The following GRIK2 variants were observed in gnomAD, a reference collection of about 807,000 sequenced individuals.
GRIK2 encodes glutamate receptor ionotropic, kainate 2.
In GRIK2, 32 loss-of-function variants were observed where a neutral mutation model predicts 100.3. The ratio of observed to expected loss-of-function variants is 0.32; its 90% CI spans 0.24 to 0.43. The LOEUF is 0.43. Ranked by LOEUF, GRIK2 falls within the 20% of genes least tolerant of loss-of-function variation. GRIK2 has a pLI of 1.00. For synonymous variants in GRIK2, 417 were observed against 389.4 expected (o/e 1.07, Z -0.83); for missense variants, 843 against 1,114.9 (o/e 0.76, Z 3.47).
intron 4 of GRIK2, among the ~76,000 whole-genome samples, chr6:101,653,971 A>T (rs1400947098): frequency 6.6e-6 from 1 of 152,010 alleles, no homozygotes; most frequent in Non-Finnish European, 1.5e-5. Flanking sequence ...CACTTCTCTC[A>T]TGGTAATACT....
Position 101,665,037 on chromosome 6 carries a change from G to A in GRIK2, c.542-11586G>A, listed in dbSNP as rs545993011. ...ACAATTCTGGATGAGATTTGCGTGGGGACACAGCTAAATATCTTAGCCCTT... is the reference window on the plus strand; with the variant it reads ...ACAATTCTGGATGAGATTTGCGTGGAGACACAGCTAAATATCTTAGCCCTT... On this transcript the variant is annotated intron_variant, in intron 4 of 16. Coordinates refer to ENST00000369134, the MANE Select transcript of GRIK2 (RefSeq NM_021956.5). 5.3e-5 allele frequency among the ~76,000 whole-genome samples: 8 copies of A among 152,200 alleles called. No homozygotes were observed. The South Asian group carries it at 1.7e-3, about 32-fold the overall frequency.
intron 11 of GRIK2, among the ~76,000 whole-genome samples, chr6:101,879,916 C>T (rs1209136662): frequency 1.3e-5 from 2 of 151,886 alleles, no homozygotes; most frequent in Non-Finnish European, 2.9e-5. Context: ...GACGTTTTGA[C>T]TTTACAAGAA....
intron 2 of GRIK2, among the ~76,000 whole-genome samples, chr6:101,464,130 T>C (rs1771487868): frequency 6.6e-6 from 1 of 152,180 alleles, no homozygotes; most frequent in Admixed American, 6.5e-5. Context: ...ATGAAGTGTG[T>C]ATGAATAAGA....
intron 7 of GRIK2, among the ~76,000 whole-genome samples, chr6:101,769,266 A>G (rs1166582119): frequency 1.3e-5 from 2 of 152,198 alleles, no homozygotes; most frequent in Non-Finnish European, 2.9e-5. Context: ...ATTTGACATA[A>G]ATGAAAGTAT....
chr6:101,659,233 C>A (rs1769421820), intron 4 of GRIK2, among the ~76,000 whole-genome samples: 1 of 152,140 alleles, frequency 6.6e-6, no homozygotes, highest in Admixed American at 6.5e-5. Flanking sequence ...CTGCATATGA[C>A]CAGCCAGTTT....
rs536813876 is a variant in GRIK2 at position 101,797,690 on chromosome 6, T to A, written c.952-1958T>A. Reference sequence around the variant, plus strand: ...TCCATAATAAACCATTATATATTTTTTTTATGTATATATTACATATAATAG... The same window carrying A: ...TCCATAATAAACCATTATATATTTTATTTATGTATATATTACATATAATAG... On this transcript the variant is annotated intron_variant, in intron 7 of 16. Coordinates refer to ENST00000369134, the MANE Select transcript of GRIK2 (RefSeq NM_021956.5). 2.3e-4 allele frequency among the ~76,000 whole-genome samples: 34 copies of A among 146,932 alleles called. 1 individual carries two copies. Among genetic ancestry groups the A allele is most frequent in the African/African-American group, 6.9e-4 (28 of 40,658 alleles).
Position 101,726,111 on chromosome 6 carries a change from T to G in GRIK2, c.951+39758T>G, listed in dbSNP as rs182566995. ...ACTGCACTTATATATATAACAGTGC[T>G]AAGATAGGTCTTAGGTAATTGTAAT... On this transcript the variant is annotated intron_variant, in intron 7 of 16. Coordinates refer to ENST00000369134, the MANE Select transcript of GRIK2 (RefSeq NM_021956.5). 1.8e-3 allele frequency among the ~76,000 whole-genome samples: 269 copies of G among 152,122 alleles called. 2 individuals carry two copies. Among genetic ancestry groups the G allele is most frequent in the African/African-American group, 5.9e-3 (245 of 41,552 alleles).
chr6:101,836,325 C>T (rs956393040), intron 10 of GRIK2, among the ~76,000 whole-genome samples: 7 of 152,094 alleles, frequency 4.6e-5, no homozygotes, highest in East Asian at 3.9e-4. Context: ...CCGTCCAATA[C>T]GGTAGCTTCG....
chr6:101,623,903 CAT>C (rs1780302599), intron 3 of GRIK2, among the ~76,000 whole-genome samples: 1 of 151,880 alleles, frequency 6.6e-6, no homozygotes, highest in African/African-American at 2.4e-5. Flanking sequence ...TACATAAAAA[CAT>C]AATATAACAG....
At chr6:102,027,880 G>A (rs937383731) in intron 14 of GRIK2, among the ~76,000 whole-genome samples, 6 of 151,006 alleles carry the variant, frequency 4.0e-5, no homozygotes, top group African/African-American at 1.5e-4. Context: ...CAAATATGTT[G>A]CTCCCAGTAA....
chr6:101,845,218 A>G (rs1783739762), intron 10 of GRIK2, among the ~76,000 whole-genome samples: 1 of 152,036 alleles, frequency 6.6e-6, no homozygotes, highest in Non-Finnish European at 1.5e-5. Context: ...GGGTCTCGCT[A>G]TGTTGCCCAA....
chr6:101,425,064 A>G (rs1471115732), intron 2 of GRIK2, among the ~76,000 whole-genome samples: 2 of 150,168 alleles, frequency 1.3e-5, no homozygotes, highest in East Asian at 1.9e-4. Flanking sequence ...CCAGTCTATC[A>G]TTGTTGGACA....
intron 11 of GRIK2, among the ~76,000 whole-genome samples, chr6:101,881,125 T>G (rs771026156): frequency 1.3e-5 from 2 of 151,912 alleles, no homozygotes; most frequent in Non-Finnish European, 2.9e-5. Flanking sequence ...ATAAAAAATT[T>G]TGTGGACTTA....
At chr6:101,799,283 G>T (rs1017893846) in intron 7 of GRIK2, among the ~76,000 whole-genome samples, 1 of 149,736 alleles carries the variant, frequency 6.7e-6, no homozygotes, top group Non-Finnish European at 1.5e-5. Flanking sequence ...CTCATTGTGT[G>T]TGTGTGTGTG....
intron 14 of GRIK2, among the ~76,000 whole-genome samples, chr6:101,954,681 C>A (rs990206818): frequency 4.6e-5 from 7 of 152,104 alleles, no homozygotes; most frequent in African/African-American, 1.7e-4. Context: ...TCTTTCCAAT[C>A]TGGATGCCTT....
chr6:101,974,425 C>T (rs1793243792), intron 14 of GRIK2, among the ~76,000 whole-genome samples: 1 of 151,822 alleles, frequency 6.6e-6, no homozygotes, highest in South Asian at 2.1e-4. Flanking sequence ...AAAAAAGTGG[C>T]GGGTGCTATA....
chr6:101,487,297 A>T (rs965275263), intron 2 of GRIK2, among the ~76,000 whole-genome samples: 3 of 146,540 alleles, frequency 2.0e-5, no homozygotes, highest in Middle Eastern at 3.5e-3. Context: ...CTGGTCTAAA[A>T]GTTCAAAGAC....
At chr6:101,829,502 A>G (rs1379716269) in intron 10 of GRIK2, among the ~76,000 whole-genome samples, 1 of 151,868 alleles carries the variant, frequency 6.6e-6, no homozygotes, top group East Asian at 1.9e-4. Context: ...AACCCTGAAG[A>G]TTCCTCCAAG....
intron 2 of GRIK2, among the ~76,000 whole-genome samples, chr6:101,460,052 C>T (rs976715902): frequency 5.3e-5 from 8 of 152,276 alleles, no homozygotes; most frequent in South Asian, 2.1e-4. Flanking sequence ...CCACCGTGCC[C>T]GGCCGCACAT....
Sources: allele counts gnomAD v4.1 joint callset (sites outside exome capture counted in the v4.1 genomes callset), GRCh38; gene constraint gnomAD v4.1.1; transcripts MANE v1.5; gene names NCBI Gene and HGNC (gene_info 2026-07-23, HGNC 2026-07-21).